Variants in PRKAR1B observed in about 807,000 individuals in gnomAD.
PRKAR1B encodes protein kinase cAMP-dependent type I regulatory subunit beta.
In PRKAR1B, 22 loss-of-function variants were observed where a neutral mutation model predicts 46.5. That is an observed-to-expected ratio of 0.47 (90% CI 0.34 to 0.68). The LOEUF (loss-of-function observed/expected upper bound fraction) is 0.68, where lower values mean the gene tolerates loss of function less well. Ranked by LOEUF, PRKAR1B falls within the 30% of genes least tolerant of loss-of-function variation. The probability of loss-of-function intolerance (pLI) is 0.01; values close to 1 mark genes in which losing one functional copy is unlikely to be tolerated. For missense variants in PRKAR1B, 445 were observed against 535.6 expected (o/e 0.83, Z 1.67); for synonymous variants, 259 against 217.7 (o/e 1.19, Z -1.67).
At chr7:646,606 C>A (rs2128487725) in intron 4 of PRKAR1B, among the ~76,000 whole-genome samples, 1 of 152,330 alleles carries the variant, frequency 6.6e-6, no homozygotes. Context: ...TATTTCCACA[C>A]AATTAAACCT....
intron 1 of PRKAR1B, chr7:712,642 C>T (rs1181468537): frequency 4.1e-5 from 5 of 121,428 alleles, no homozygotes; most frequent in African/African-American, 6.1e-5. Context: ...CCACCCCCGG[C>T]TCTCCCCGCC....
rs148242034 is a variant in PRKAR1B at position 683,047 on chromosome 7, C to G, written c.178-2321G>C. Among the ~76,000 whole-genome samples, 360 of 152,348 alleles carry G rather than the reference C, an allele frequency of 2.4e-3. 1 individual carries two copies. The highest frequency in any genetic ancestry group is 8.0e-3 in the African/African-American group (334 of 41,598). ...GAAAAAAGATGGCGGCCCTATCAGG[C>G]AGGGCCTTGCGTCATGGACCAGGAG... On this transcript the variant is annotated intron_variant, in intron 2 of 10. Transcript: ENST00000537384.
chr7:713,506 C>T (rs930194469), intron 1 of PRKAR1B, among the ~76,000 whole-genome samples: 1 of 152,140 alleles, frequency 6.6e-6, no homozygotes, highest in Admixed American at 6.5e-5. Context: ...ACCTTTTCCA[C>T]ACTCACCTGT....
rs563675507 is a variant in PRKAR1B, at chr7:700,394, G to A, written c.177+10935C>T. On this transcript the variant is annotated intron_variant, in intron 2 of 10. Transcript: ENST00000537384. The stretch of plus-strand genomic sequence containing the variant: ...AAATATCAACATTCTCTCTCCATAG[G>A]ATTTTAATGGGATTCAAAGCTTGAC... 3.3e-4 allele frequency among the ~76,000 whole-genome samples: 51 copies of A among 152,264 alleles called. No individual in the cohort carries two copies. In the South Asian group the frequency reaches 0.01, roughly 31 times the overall value.
chr7:624,995 G>A (rs1166550080), intron 4 of PRKAR1B, among the ~76,000 whole-genome samples: 1 of 152,136 alleles, frequency 6.6e-6, no homozygotes, highest in Admixed American at 6.5e-5. Flanking sequence ...TTTACCAAGA[G>A]AGAAAACATT....
chr7:607,194 G>A (rs112220246), intron 5 of PRKAR1B, among the ~76,000 whole-genome samples, 197 bp downstream of exon 5: 10,820 of 152,146 alleles, frequency 0.071, 515 homozygotes, highest in African/African-American at 0.13. Flanking sequence ...TAGAGACAGG[G>A]TTTCACCATG....
rs533047138 is a variant in PRKAR1B, at chr7:711,211, A to G, written c.177+118T>C. ...TCTGGAAGGACCTGCAGGACGGCAG[A>G]CAGTCTCTGGGGCACCCAGCCTTCG... On this transcript the variant is annotated intron_variant, in intron 2 of 10. Coordinates refer to ENST00000537384, the MANE Select transcript of PRKAR1B (RefSeq NM_001164760.2). 3.6e-6 allele frequency: 5 copies of G among 1,379,502 alleles called. No individual in the cohort carries two copies. The South Asian group carries it at 4.0e-5, about 11-fold the overall frequency. The allele number at this position is 1,379,502 out of a possible 1,614,324, so 85.5% of individuals were successfully genotyped here.
At chr7:722,755 A>C (rs1234535484) in intron 1 of PRKAR1B, among the ~76,000 whole-genome samples, 1 of 152,210 alleles carries the variant, frequency 6.6e-6, no homozygotes, top group African/African-American at 2.4e-5. Flanking sequence ...TTACCTTACC[A>C]TGTTCAGGTT....
At chr7:624,811 A>G (rs756782222) in intron 4 of PRKAR1B, among the ~76,000 whole-genome samples, 39 of 152,364 alleles carry the variant, frequency 2.6e-4, no homozygotes, top group Admixed American at 1.1e-3. Context: ...CAGATCCAGC[A>G]GGCAGAAAAT....
chr7:697,980 G>A (rs1583435187), intron 2 of PRKAR1B, among the ~76,000 whole-genome samples: 1 of 79,506 alleles, frequency 1.3e-5, no homozygotes, highest in Non-Finnish European at 2.5e-5. Flanking sequence ...GGAAGGGAAG[G>A]GAGCGGAGGG....
intron 9 of PRKAR1B, among the ~76,000 whole-genome samples, chr7:571,438 G>A (rs867573484): frequency 1.3e-5 from 2 of 152,242 alleles, no homozygotes; most frequent in African/African-American, 2.4e-5. Context: ...GGGAGGAGGC[G>A]CGGGGCTCTG....
chr7:586,953 G>C (rs564868438), intron 7 of PRKAR1B, among the ~76,000 whole-genome samples: 1 of 148,418 alleles, frequency 6.7e-6, no homozygotes, highest in African/African-American at 2.5e-5. Context: ...GTGCGATCTC[G>C]GCTCACTGCA....
Position 579,272 on chromosome 7 carries a change from A to C in PRKAR1B, c.875T>G (p.Phe292Cys). ...ACGTCTCACCTCCGTGATGATGTAA[A>C]AGTCGTCCCCAGGCTCTCCCTGGAC... ...IVVQGEPGDD[F>C]YIITEGTASV... is the part of the protein sequence containing the mutation. The change falls in exon 9 of 11, where the codon TTT becomes TGT. Residue 292 changes from phenylalanine to cysteine, a missense_variant. Physicochemically the swap from Phe to Cys is radical, Grantham distance 205. Coordinates refer to ENST00000537384, the MANE Select transcript of PRKAR1B (RefSeq NM_001164760.2). 6.2e-7 allele frequency: 1 copy of C among 1,614,120 alleles called. No homozygotes were observed. The highest frequency in any genetic ancestry group is 1.1e-5 in the South Asian group (1 of 91,080).
At chr7:555,338 T>A (rs1049709382) in intron 9 of PRKAR1B, among the ~76,000 whole-genome samples, 1 of 152,062 alleles carries the variant, frequency 6.6e-6, no homozygotes, top group African/African-American at 2.4e-5. Flanking sequence ...CTAGTCACGC[T>A]GTCTGGATGC....
At chr7:597,003 C>T (rs983749693) in intron 6 of PRKAR1B, among the ~76,000 whole-genome samples, 2 of 152,228 alleles carry the variant, frequency 1.3e-5, no homozygotes, top group Admixed American at 6.5e-5. Context: ...GGTGGGCCGC[C>T]GCCCCCGCAC....
chr7:687,902 C>T (rs1472911937), intron 2 of PRKAR1B, among the ~76,000 whole-genome samples: 1 of 151,216 alleles, frequency 6.6e-6, no homozygotes, highest in African/African-American at 2.4e-5. Flanking sequence ...TCAAGACCAG[C>T]CTGGCCAATA....
chr7:615,923 AAAGG>A (rs1782791756), intron 4 of PRKAR1B, among the ~76,000 whole-genome samples: 1 of 152,076 alleles, frequency 6.6e-6, no homozygotes, highest in East Asian at 1.9e-4. Flanking sequence ...AGAGAGAAAA[AAAGG>A]AAGAAAGAGG....
At position 550,253 on chromosome 7, in the gene PRKAR1B, T is replaced by C; in HGVS notation, c.*177A>G. Reference sequence around the variant, plus strand: ...GTCCGCTTGTCCTTTGATTTGGAAATGCACAAGGTGATCATTTATTCCAAA... The same window carrying C: ...GTCCGCTTGTCCTTTGATTTGGAAACGCACAAGGTGATCATTTATTCCAAA... On this transcript the variant is annotated 3_prime_UTR_variant, in exon 11 of 11. Coordinates refer to ENST00000537384, the MANE Select transcript of PRKAR1B (RefSeq NM_001164760.2). The C allele has an allele frequency of 5.0e-6, 3 of 603,372 alleles. No individual in the cohort carries two copies. 37.4% of individuals were successfully genotyped at this position (603,372 alleles called of 1,614,324 possible). A position where few individuals can be genotyped will look rare whatever the true frequency, so the allele number is the denominator to read the frequency against.
At chr7:696,620 CAT>C (rs1382420174) in intron 2 of PRKAR1B, 1 of 152,244 alleles carries the variant, frequency 6.6e-6, no homozygotes, top group African/African-American at 2.4e-5. Context: ...TAGTTTACTT[CAT>C]AGAGGAGAGA....
Sources: allele counts gnomAD v4.1 joint callset (sites outside exome capture counted in the v4.1 genomes callset), GRCh38; gene constraint gnomAD v4.1.1; transcripts MANE v1.5; gene names NCBI Gene and HGNC (gene_info 2026-07-23, HGNC 2026-07-21).